DIAPH3: variants seen among roughly 807,000 people sequenced by gnomAD.
DIAPH3 encodes diaphanous related formin 3.
DIAPH3 carries 117 observed loss-of-function variants against 144.3 expected under a neutral mutation model. That is an observed-to-expected ratio of 0.81 (90% confidence interval 0.70 to 0.95). DIAPH3 has a LOEUF of 0.95. Ranked by LOEUF, DIAPH3 falls within the 40% of genes least tolerant of loss-of-function variation. The pLI, the probability that DIAPH3 is intolerant of heterozygous loss-of-function variation, is 0.00. For missense variants in DIAPH3, 1,421 were observed against 1,412.7 expected (o/e 1.01, Z -0.09); for synonymous variants, 519 against 488.9 (o/e 1.06, Z -0.81).
chr13:59,693,713 AAG>A (rs1250686354), intron 27 of DIAPH3, among the ~76,000 whole-genome samples: 1 of 152,176 alleles, frequency 6.6e-6, no homozygotes, highest in Non-Finnish European at 1.5e-5. Flanking sequence ...TAAAAAGAGA[AAG>A]AAAATTATTG....
At chr13:60,153,575 A>C (rs890047350) in intron 1 of DIAPH3, 1 of 152,140 alleles carries the variant, frequency 6.6e-6, no homozygotes, top group Non-Finnish European at 1.5e-5. Context: ...TGATAGAAAG[A>C]AAAACAGCAA....
At chr13:59,740,801 T>G (rs910583381) in intron 27 of DIAPH3, among the ~76,000 whole-genome samples, 1 of 152,254 alleles carries the variant, frequency 6.6e-6, no homozygotes, top group Non-Finnish European at 1.5e-5. Flanking sequence ...TTCATATTTT[T>G]CACACTATTA....
intron 17 of DIAPH3, among the ~76,000 whole-genome samples, chr13:59,963,497 G>T (rs535095253): frequency 6.6e-6 from 1 of 151,972 alleles, no homozygotes; most frequent in South Asian, 2.1e-4. Flanking sequence ...ATTTAATCTA[G>T]CAAGAAGTCC....
intron 24 of DIAPH3, among the ~76,000 whole-genome samples, chr13:59,820,213 A>C (rs2040990455): frequency 6.6e-6 from 1 of 151,948 alleles, no homozygotes; most frequent in African/African-American, 2.4e-5. Flanking sequence ...TCCTATAAGA[A>C]TATGAATGCT....
chr13:59,959,625 G>T (rs1261024466), intron 17 of DIAPH3, among the ~76,000 whole-genome samples: 5 of 152,146 alleles, frequency 3.3e-5, no homozygotes, highest in African/African-American at 1.2e-4. Context: ...TGCTGGCTTT[G>T]ATGATACAGG....
At chr13:60,061,761 A>T (rs1198322662) in intron 4 of DIAPH3, among the ~76,000 whole-genome samples, 1 of 152,040 alleles carries the variant, frequency 6.6e-6, no homozygotes, top group Non-Finnish European at 1.5e-5. Context: ...TCTTCTCAAA[A>T]ATATTCAATT....
chr13:59,945,933 C>T (rs1038475517), intron 17 of DIAPH3, among the ~76,000 whole-genome samples: 8 of 151,998 alleles, frequency 5.3e-5, no homozygotes, highest in African/African-American at 7.3e-5. Flanking sequence ...AATATGCTTA[C>T]GAAGAAAAAA....
chr13:59,700,967 A>T (rs1248738299), intron 27 of DIAPH3, among the ~76,000 whole-genome samples: 3 of 152,198 alleles, frequency 2.0e-5, no homozygotes, highest in Non-Finnish European at 2.9e-5. Context: ...AGCTACTCAG[A>T]TTAAGTTTCA....
intron 1 of DIAPH3, among the ~76,000 whole-genome samples, chr13:60,145,353 A>G (rs571432709): frequency 2.6e-5 from 4 of 152,332 alleles, no homozygotes; most frequent in South Asian, 4.1e-4. Context: ...AACACTGACT[A>G]CAAAACCACA....
intron 21 of DIAPH3, 42 bp downstream of exon 21, chr13:59,879,186 CA>C (rs1189541116): frequency 6.2e-7 from 1 of 1,612,620 alleles, no homozygotes; most frequent in Non-Finnish European, 8.5e-7. Flanking sequence ...CATTTAAGAG[CA>C]AGTGTTCAGG....
chr13:60,121,645 AAAG>A (rs1399811635), intron 2 of DIAPH3, among the ~76,000 whole-genome samples: 1 of 152,206 alleles, frequency 6.6e-6, no homozygotes, highest in Non-Finnish European at 1.5e-5. Context: ...GAGAACATTC[AAAG>A]AAGACGACAG....
chr13:59,777,019 T>C (rs887478874), intron 25 of DIAPH3, among the ~76,000 whole-genome samples: 1 of 152,156 alleles, frequency 6.6e-6, no homozygotes, highest in African/African-American at 2.4e-5. Context: ...CTAGCTACCG[T>C]TACTAGTCCT....
At chr13:59,670,395 A>T (rs942624619) in intron 27 of DIAPH3, among the ~76,000 whole-genome samples, 7 of 152,108 alleles carry the variant, frequency 4.6e-5, no homozygotes, top group African/African-American at 1.7e-4. Context: ...TCAGCACCCC[A>T]ACAGCCCCCA....
chr13:60,002,180 G>A (rs1335644822), intron 9 of DIAPH3, among the ~76,000 whole-genome samples: 2 of 152,124 alleles, frequency 1.3e-5, no homozygotes, highest in South Asian at 2.1e-4. Context: ...CTGGATTATG[G>A]GATTTGTTCA....
intron 2 of DIAPH3, among the ~76,000 whole-genome samples, chr13:60,129,139 C>T (rs2059070743): frequency 6.6e-6 from 1 of 152,112 alleles, no homozygotes; most frequent in Non-Finnish European, 1.5e-5. Context: ...CAAAAACACT[C>T]AGTGGACACA....
At chr13:59,902,669 G>A (rs570485867) in intron 20 of DIAPH3, among the ~76,000 whole-genome samples, 42 of 152,158 alleles carry the variant, frequency 2.8e-4, no homozygotes, top group Middle Eastern at 6.8e-3. Flanking sequence ...CTAGCTACTC[G>A]GGTGGCTGAG....
At chr13:59,739,482 C>T (rs543988643) in intron 27 of DIAPH3, among the ~76,000 whole-genome samples, 2 of 152,044 alleles carry the variant, frequency 1.3e-5, no homozygotes, top group South Asian at 2.1e-4. Flanking sequence ...ATTACAGCAC[C>T]GGTGCTAGTA....
intron 24 of DIAPH3, among the ~76,000 whole-genome samples, chr13:59,821,991 C>G (rs1345445737): frequency 6.6e-6 from 1 of 152,120 alleles, no homozygotes. Context: ...TAAAATCGGT[C>G]TCAGGTAAAA....
intron 17 of DIAPH3, among the ~76,000 whole-genome samples, chr13:59,952,545 C>T (rs1234357196): frequency 1.3e-5 from 2 of 152,118 alleles, no homozygotes; most frequent in African/African-American, 4.8e-5. Context: ...TTACTTTCCT[C>T]CTTCTTACTT....
Sources: gnomAD v4.1 joint callset for allele counts (sites outside exome capture counted in the v4.1 genomes callset) on GRCh38, gnomAD v4.1.1 for gene constraint, MANE v1.5 for transcripts, NCBI Gene and HGNC (gene_info 2026-07-23, HGNC 2026-07-21) for gene names.